LRRFIP1: variants seen among roughly 807,000 people sequenced by gnomAD.
LRRFIP1 encodes leucine-rich repeat flightless-interacting protein 1.
Under a neutral mutation model 104.4 loss-of-function variants are expected in LRRFIP1, and 62 were observed. The ratio of observed to expected loss-of-function variants is 0.59; its 90% confidence interval spans 0.48 to 0.73. LRRFIP1 has a LOEUF of 0.73. Ranked by LOEUF, LRRFIP1 falls within the 30% of genes least tolerant of loss-of-function variation. The pLI, the probability that LRRFIP1 is intolerant of heterozygous loss-of-function variation, is 0.00. For synonymous variants in LRRFIP1, 300 were observed against 299.0 expected (o/e 1.00, Z -0.03); for missense variants, 796 against 824.5 (o/e 0.97, Z 0.42).
chr2:237,629,705 C>G (rs895840976), intron 1 of LRRFIP1, among the ~76,000 whole-genome samples: 2 of 152,148 alleles, frequency 1.3e-5, no homozygotes, highest in African/African-American at 4.8e-5. Flanking sequence ...CTCCTGGCCT[C>G]AAGTGATCTT....
chr2:237,635,246 T>C (rs1021803360), intron 1 of LRRFIP1, among the ~76,000 whole-genome samples: 1 of 152,202 alleles, frequency 6.6e-6, no homozygotes, highest in Non-Finnish European at 1.5e-5. Flanking sequence ...AAAATAATTT[T>C]CCAAAAAATG....
intron 14 of LRRFIP1, among the ~76,000 whole-genome samples, chr2:237,752,953 C>T (rs1383462817): frequency 1.3e-5 from 2 of 152,332 alleles, no homozygotes; most frequent in African/African-American, 4.8e-5. Flanking sequence ...ATCTGTTGAA[C>T]AGCCTGACAC....
intron 14 of LRRFIP1, 97 bp from the exon 15 acceptor site, chr2:237,753,212 A>C: frequency 1.2e-6 from 1 of 856,522 alleles, no homozygotes. Context: ...ATATAGTCTA[A>C]GTTTAGGACT....
chr2:237,667,800 C>T (rs747670224), intron 1 of LRRFIP1, among the ~76,000 whole-genome samples: 8 of 151,116 alleles, frequency 5.3e-5, no homozygotes, highest in South Asian at 2.1e-4. Context: ...GTTGTGTTCC[C>T]GGCACAGGAC....
intron 8 of LRRFIP1, among the ~76,000 whole-genome samples, chr2:237,732,301 C>G (rs1158226461): frequency 6.6e-6 from 1 of 152,174 alleles, no homozygotes; most frequent in African/African-American, 2.4e-5. Context: ...GCCTCTCTCT[C>G]CTCTCTGCTG....
intron 1 of LRRFIP1, among the ~76,000 whole-genome samples, chr2:237,675,574 G>A (rs971536814): frequency 2.0e-5 from 3 of 152,108 alleles, no homozygotes; most frequent in Admixed American, 6.5e-5. Context: ...AATGCCTCTA[G>A]GAACACAAAA....
At chr2:237,692,398 G>A in intron 1 of LRRFIP1, 2 of 1,424,288 alleles carry the variant, frequency 1.4e-6, no homozygotes, top group Non-Finnish European at 1.8e-6. Flanking sequence ...CCCGCGAGGG[G>A]CTCCCGGCGC....
At chr2:237,739,111 G>C (rs1025404404) in intron 10 of LRRFIP1, 121 bp from the exon 11 acceptor site, 1 of 752,210 alleles carries the variant, frequency 1.3e-6, no homozygotes, top group Non-Finnish European at 2.2e-6. Flanking sequence ...TCCTTGCCGT[G>C]CGTGGCTAAC....
intron 1 of LRRFIP1, among the ~76,000 whole-genome samples, chr2:237,666,938 TTC>T (rs1170258251): frequency 7.6e-5 from 11 of 144,704 alleles, no homozygotes; most frequent in African/African-American, 2.3e-4. Flanking sequence ...CTTTCTTTCT[TTC>T]TTTCTTTTTC....
rs1450468297 is a variant in LRRFIP1, at chr2:237,691,854, C to T, written c.97-16690C>T. 1.3e-5 allele frequency among the ~76,000 whole-genome samples: 2 copies of T among 151,948 alleles called. No individual in the cohort carries two copies. The highest frequency in any genetic ancestry group is 2.9e-5 in the Non-Finnish European group (2 of 67,950). ...CGGGGGCCGGAGGGGTGGTGATGGA[C>T]AGCCCGGGAGGGGCGGGGCAGGACC... On this transcript the variant is annotated intron_variant, in intron 1 of 23. Transcript: ENST00000308482. The surrounding 1 kb of genome is among the most constrained non-coding windows in gnomAD (Gnocchi z 5.4).
At position 237,642,513 on chromosome 2, in the gene LRRFIP1, GGGTTCCAGGCTAAGGGTTTCAGGTTCCA is replaced by G. The variant is rs1559453953; in HGVS notation, c.96+14785_96+14812del. 1.9e-4 allele frequency among the ~76,000 whole-genome samples: 29 copies of G among 149,070 alleles called. No homozygotes were observed. The South Asian group carries it at 4.5e-3, about 23-fold the overall frequency. On this transcript the variant is annotated intron_variant, in intron 1 of 23. Transcript: ENST00000308482. ...TTCCAGGCTAAGGGTTTCAGGTTCC[GGGTTCCAGGCTAAGGGTTTCAGGTTCCA>G]GGTTCCAGGCTCCAGGCTCCAGGTT...
intron 1 of LRRFIP1, among the ~76,000 whole-genome samples, chr2:237,648,384 C>T (rs952838167): frequency 6.6e-6 from 1 of 151,934 alleles, no homozygotes; most frequent in Admixed American, 6.5e-5. Flanking sequence ...TGGCACACAT[C>T]AAAAGTGTTC....
intron 14 of LRRFIP1, 99 bp from the exon 15 acceptor site, chr2:237,753,210 T>A (rs890713955): frequency 7.1e-6 from 6 of 839,944 alleles, no homozygotes; most frequent in Non-Finnish European, 1.1e-5. Context: ...AAATATAGTC[T>A]AAGTTTAGGA....
chr2:237,677,723 G>A (rs1225280520), intron 1 of LRRFIP1, among the ~76,000 whole-genome samples: 1 of 151,870 alleles, frequency 6.6e-6, no homozygotes, highest in East Asian at 1.9e-4. Context: ...TGATATTATC[G>A]AGCCACCATG....
intron 1 of LRRFIP1, among the ~76,000 whole-genome samples, chr2:237,693,164 A>G (rs1288512143): frequency 2.0e-5 from 3 of 152,258 alleles, no homozygotes; most frequent in South Asian, 4.1e-4. Flanking sequence ...GTTTGCAAAT[A>G]CACATTTTCA....
Position 237,779,738 on chromosome 2 carries a change from C to A in LRRFIP1, c.*206C>A, listed in dbSNP as rs2061379104. 1 of 480,678 alleles carries A rather than the reference C, an allele frequency of 2.1e-6. No homozygotes were observed. The highest frequency in any genetic ancestry group is 2.0e-5 in the African/African-American group (1 of 50,774). The allele number at this position is 480,678 out of a possible 1,614,324, so 29.8% of individuals were successfully genotyped here. On this transcript the variant is annotated 3_prime_UTR_variant, in exon 24 of 24. Transcript: ENST00000308482. The stretch of plus-strand genomic sequence containing the variant: ...GGTGCCTCTGTCTGCAGACCCCTGG[C>A]CCGGGCTGGCGCCGACGCTCAGAAC...
rs149820857 is a variant in LRRFIP1 at position 237,750,497 on chromosome 2, C to T, written c.796-703C>T. On this transcript the variant is annotated intron_variant, in intron 13 of 23. Transcript: ENST00000308482. Reference sequence around the variant, plus strand: ...GATTACAGGCGCCCGCCACCATGCCCGGCTAACTTTTGTATTTTTAGTGGA... The same window carrying T: ...GATTACAGGCGCCCGCCACCATGCCTGGCTAACTTTTGTATTTTTAGTGGA... Among the ~76,000 whole-genome samples the T allele has an allele frequency of 5.3e-3, 811 of 152,026 alleles. 14 individuals carry two copies. Among genetic ancestry groups the T allele is most frequent in the African/African-American group, 0.019 (769 of 41,476 alleles).
intron 1 of LRRFIP1, chr2:237,683,409 C>T (rs2092043979): frequency 6.6e-6 from 1 of 152,372 alleles, no homozygotes; most frequent in Admixed American, 6.5e-5. Flanking sequence ...TTTCCACTCT[C>T]GTGCCAAGCA....
chr2:237,693,655 G>A (rs1395680210), intron 1 of LRRFIP1, among the ~76,000 whole-genome samples: 1 of 152,166 alleles, frequency 6.6e-6, no homozygotes, highest in Non-Finnish European at 1.5e-5. Flanking sequence ...AGGAAGGGTG[G>A]GAATGTGGTT....
Sources: allele counts gnomAD v4.1 joint callset (sites outside exome capture counted in the v4.1 genomes callset), GRCh38; gene constraint gnomAD v4.1.1; non-coding constraint Gnocchi (gnomAD v3.1); transcripts MANE v1.5; gene names NCBI Gene and HGNC (gene_info 2026-07-23, HGNC 2026-07-21).